KCNQ5: variants seen among roughly 807,000 people sequenced by gnomAD.
The protein encoded by KCNQ5 is potassium voltage-gated channel subfamily KQT member 5.
In KCNQ5, 30 loss-of-function variants were observed where a neutral mutation model predicts 98.2. That is an observed-to-expected ratio of 0.31 (90% CI 0.23 to 0.41). The LOEUF is 0.41. KCNQ5 is among the 10% of genes least tolerant of loss of function. The pLI, the probability that KCNQ5 is intolerant of heterozygous loss-of-function variation, is 1.00. For synonymous variants in KCNQ5, 458 were observed against 449.4 expected (o/e 1.02, Z -0.24); for missense variants, 835 against 1,182.5 (o/e 0.71, Z 4.31).
intron 1 of KCNQ5, among the ~76,000 whole-genome samples, chr6:72,637,338 G>T (rs143335819): frequency 6.6e-6 from 1 of 151,758 alleles, no homozygotes; most frequent in East Asian, 2.0e-4. Flanking sequence ...TCTATTACAT[G>T]AAAGGAAAAT....
At chr6:72,699,625 G>A (rs1051605800) in intron 1 of KCNQ5, among the ~76,000 whole-genome samples, 1 of 152,022 alleles carries the variant, frequency 6.6e-6, no homozygotes, top group Admixed American at 6.6e-5. Context: ...ACAAATGATG[G>A]CTCTGCTAAT....
At chr6:73,150,253 A>T (rs1016114638) in intron 10 of KCNQ5, among the ~76,000 whole-genome samples, 1 of 151,906 alleles carries the variant, frequency 6.6e-6, no homozygotes, top group African/African-American at 2.4e-5. Context: ...TCACTTACAC[A>T]TTGCTGGTGG....
chr6:73,005,996 A>G (rs1259184396), intron 2 of KCNQ5, among the ~76,000 whole-genome samples: 1 of 150,190 alleles, frequency 6.7e-6, no homozygotes, highest in African/African-American at 2.5e-5. Context: ...TTTTATCTGG[A>G]CACAAAAATT....
At chr6:72,645,389 GAA>G (rs56851973) in intron 1 of KCNQ5, among the ~76,000 whole-genome samples, 19,937 of 142,394 alleles carry the variant, frequency 0.14, 2,241 homozygotes, top group East Asian at 0.48. Context: ...TTGTCTCAAG[GAA>G]AAAAAAAAAA....
chr6:72,706,046 T>C (rs576151532), intron 1 of KCNQ5, among the ~76,000 whole-genome samples: 1 of 152,204 alleles, frequency 6.6e-6, no homozygotes, highest in Admixed American at 6.5e-5. Flanking sequence ...GCAGAGCTGA[T>C]TATTTTGGAA....
At chr6:72,983,049 C>A (rs1768549660) in intron 1 of KCNQ5, among the ~76,000 whole-genome samples, 1 of 152,224 alleles carries the variant, frequency 6.6e-6, no homozygotes, top group Non-Finnish European at 1.5e-5. Context: ...CGCTGTTAGT[C>A]TGATGGGCTT....
chr6:72,863,869 G>A (rs554116933), intron 1 of KCNQ5, among the ~76,000 whole-genome samples: 19 of 152,282 alleles, frequency 1.2e-4, no homozygotes, highest in African/African-American at 4.1e-4. Context: ...ACAAATAATT[G>A]TAAGTCTTGT....
chr6:72,777,738 AGGCTTTT>A (rs1412753527), intron 1 of KCNQ5, among the ~76,000 whole-genome samples: 1 of 151,916 alleles, frequency 6.6e-6, no homozygotes, highest in Non-Finnish European at 1.5e-5. Context: ...TTTGCTTCCA[AGGCTTTT>A]GTCTTTACTC....
intron 1 of KCNQ5, among the ~76,000 whole-genome samples, chr6:72,634,986 C>T (rs1321879794): frequency 1.3e-5 from 2 of 151,780 alleles, no homozygotes; most frequent in African/African-American, 2.4e-5. Flanking sequence ...GTTCGTATTG[C>T]GTAGCAACTT....
intron 1 of KCNQ5, among the ~76,000 whole-genome samples, chr6:72,834,461 G>A (rs1776419422): frequency 6.6e-6 from 1 of 152,102 alleles, no homozygotes; most frequent in African/African-American, 2.4e-5. Context: ...AGACTCTAAA[G>A]ATAATACACT....
intron 1 of KCNQ5, among the ~76,000 whole-genome samples, chr6:72,836,629 G>T (rs539477432): frequency 6.6e-6 from 1 of 151,242 alleles, no homozygotes; most frequent in South Asian, 2.1e-4. Flanking sequence ...GTAGAGACAG[G>T]GTCTCACTGT....
intron 10 of KCNQ5, 85 bp downstream of exon 10, chr6:73,133,726 A>T: frequency 8.6e-7 from 1 of 1,169,064 alleles, no homozygotes; most frequent in Admixed American, 2.1e-5. Flanking sequence ...CCATAGTGCC[A>T]CTTGAAGAAA....
Position 72,901,416 on chromosome 6 carries a change from C to G in KCNQ5, c.399-102492C>G, listed in dbSNP as rs1459634735. Reference sequence around the variant, plus strand: ...CTTTTGGCTTCTTGGTCATGAAATCCTTGCCGAAGCCAATGTCTAGAAGGG... The same window carrying G: ...CTTTTGGCTTCTTGGTCATGAAATCGTTGCCGAAGCCAATGTCTAGAAGGG... On this transcript the variant is annotated intron_variant, in intron 1 of 13. Coordinates refer to ENST00000370398, the MANE Select transcript of KCNQ5 (RefSeq NM_019842.4). Among the ~76,000 whole-genome samples the G allele has an allele frequency of 2.6e-5, 4 of 152,186 alleles. No individual in the cohort carries two copies. In the East Asian group the frequency reaches 7.7e-4, roughly 29 times the overall value.
chr6:72,654,582 A>C (rs1766048351), intron 1 of KCNQ5, among the ~76,000 whole-genome samples: 2 of 152,104 alleles, frequency 1.3e-5, no homozygotes, highest in Admixed American at 6.6e-5. Context: ...CCCCAATGAC[A>C]CAAGACTAGA....
chr6:72,722,962 G>A (rs753489099), intron 1 of KCNQ5, among the ~76,000 whole-genome samples: 4 of 147,190 alleles, frequency 2.7e-5, no homozygotes, highest in African/African-American at 1.0e-4. Context: ...TGATCCTCCC[G>A]CCTCAGCTTC....
intron 1 of KCNQ5, among the ~76,000 whole-genome samples, chr6:72,980,366 G>T (rs1768378533): frequency 6.6e-6 from 1 of 152,122 alleles, no homozygotes; most frequent in South Asian, 2.1e-4. Flanking sequence ...GCAGTGGTTT[G>T]TACTTCTCCT....
chr6:72,841,665 G>T (rs1315475615), intron 1 of KCNQ5, among the ~76,000 whole-genome samples: 3 of 151,886 alleles, frequency 2.0e-5, no homozygotes, highest in African/African-American at 4.8e-5. Context: ...TGTTATACCG[G>T]ATTATTCCTT....
intron 1 of KCNQ5, among the ~76,000 whole-genome samples, chr6:72,951,148 A>T (rs1229333033): frequency 1.3e-5 from 2 of 152,190 alleles, no homozygotes; most frequent in Admixed American, 6.5e-5. Flanking sequence ...ATATTGTCCC[A>T]ATGATCAGGA....
chr6:73,186,053 C>G (rs1423979405), intron 11 of KCNQ5, among the ~76,000 whole-genome samples: 11 of 151,506 alleles, frequency 7.3e-5, no homozygotes, highest in Non-Finnish European at 4.4e-5. Context: ...AGGGAGACCC[C>G]CCCTATCTCT....
Sources: allele counts gnomAD v4.1 joint callset (sites outside exome capture counted in the v4.1 genomes callset), GRCh38; gene constraint gnomAD v4.1.1; transcripts MANE v1.5; gene names NCBI Gene and HGNC (gene_info 2026-07-23, HGNC 2026-07-21).